Variants in FSTL4 observed in about 807,000 individuals in gnomAD.
FSTL4 encodes follistatin like 4.
FSTL4 carries 28 observed loss-of-function variants against 78.2 expected under a neutral mutation model. The observed-to-expected ratio is 0.36, with a 90% confidence interval of 0.27 to 0.49. The LOEUF (loss-of-function observed/expected upper bound fraction) is 0.49. Among genes scored for constraint, FSTL4 ranks in the 20% least tolerant of loss-of-function variants. The probability of loss-of-function intolerance (pLI) is 0.98; values close to 1 mark genes in which losing one functional copy is unlikely to be tolerated. For synonymous variants in FSTL4, 422 were observed against 440.5 expected, an observed-to-expected ratio of 0.96 and a Z score of 0.53; for missense variants, 922 against 1,084.9, an observed-to-expected ratio of 0.85 and a Z score of 2.11.
rs540642489 is a variant in FSTL4, at chr5:133,356,499, T to G, written c.410-39847A>C. Reference sequence around the variant, plus strand: ...AGACCCAAGGTCCAGCCACCTCCCCTGGGGAGAGGCCAGGCTGAGAAGGAC... The same window carrying G: ...AGACCCAAGGTCCAGCCACCTCCCCGGGGGAGAGGCCAGGCTGAGAAGGAC... On this transcript the variant is annotated intron_variant, in intron 4 of 15. Coordinates refer to ENST00000265342, the MANE Select transcript of FSTL4 (RefSeq NM_015082.2). 1.3e-3 allele frequency among the ~76,000 whole-genome samples: 205 copies of G among 152,266 alleles called. 1 individual carries two copies. Among genetic ancestry groups the G allele is most frequent in the Middle Eastern group, 0.01 (3 of 294 alleles).
the FSTL4 span, among the ~76,000 whole-genome samples, chr5:133,688,972 T>C: frequency 6.6e-6 from 1 of 152,182 alleles, no homozygotes; most frequent in Non-Finnish European, 1.5e-5. Flanking sequence ...TGGCAGCCGC[T>C]CACTCAGGGT....
chr5:133,231,565 TAG>T (rs1472095232), intron 8 of FSTL4, among the ~76,000 whole-genome samples: 2 of 152,188 alleles, frequency 1.3e-5, no homozygotes, highest in African/African-American at 2.4e-5. Context: ...TTCTTTGAGA[TAG>T]AGTCTCCCTC....
At chr5:133,297,177 G>T (rs535060537) in intron 6 of FSTL4, among the ~76,000 whole-genome samples, 1 of 152,206 alleles carries the variant, frequency 6.6e-6, no homozygotes, top group Non-Finnish European at 1.5e-5. Flanking sequence ...GGTATCCTAC[G>T]TGCAGGATCT....
chr5:133,709,142 G>A, the FSTL4 span, among the ~76,000 whole-genome samples: 1 of 152,306 alleles, frequency 6.6e-6, no homozygotes, highest in South Asian at 2.1e-4. Flanking sequence ...CATACAGGCA[G>A]GAAGGCCATC....
At chr5:133,425,876 G>A (rs1300605159) in intron 3 of FSTL4, among the ~76,000 whole-genome samples, 1 of 152,216 alleles carries the variant, frequency 6.6e-6, no homozygotes, top group Non-Finnish European at 1.5e-5. Flanking sequence ...AAGAAATCCA[G>A]AAGCTGGCTG....
At chr5:133,561,904 C>T (rs549734515) in intron 3 of FSTL4, among the ~76,000 whole-genome samples, 3 of 152,300 alleles carry the variant, frequency 2.0e-5, no homozygotes, top group South Asian at 4.1e-4. Context: ...CTTCAGGCAA[C>T]TAAGCACAAT....
chr5:133,421,519 C>T (rs571365188), intron 3 of FSTL4, among the ~76,000 whole-genome samples: 165 of 152,320 alleles, frequency 1.1e-3, no homozygotes, highest in African/African-American at 3.8e-3. Context: ...TTTCCCCATT[C>T]GCTGAGCTCT....
chr5:133,214,000 A>C (rs1367971936), intron 13 of FSTL4, among the ~76,000 whole-genome samples: 1 of 152,208 alleles, frequency 6.6e-6, no homozygotes, highest in Non-Finnish European at 1.5e-5. Flanking sequence ...GCATTACCAG[A>C]GATAAAGAGG....
intron 6 of FSTL4, among the ~76,000 whole-genome samples, chr5:133,297,592 CTCAG>C (rs1412966294): frequency 6.6e-6 from 1 of 152,204 alleles, no homozygotes; most frequent in Non-Finnish European, 1.5e-5. Context: ...CTGCTTAACA[CTCAG>C]TCAATGTTAT....
At chr5:133,557,522 TCA>T (rs1759814885) in intron 3 of FSTL4, among the ~76,000 whole-genome samples, 1 of 152,182 alleles carries the variant, frequency 6.6e-6, no homozygotes, top group Non-Finnish European at 1.5e-5. Flanking sequence ...GCTGGTGACT[TCA>T]GGAAACCCAA....
intron 3 of FSTL4, among the ~76,000 whole-genome samples, chr5:133,506,135 TG>T (rs1029482953): frequency 6.6e-6 from 1 of 152,216 alleles, no homozygotes; most frequent in African/African-American, 2.4e-5. Context: ...CAGAAAATGC[TG>T]GTAATTGTTT....
chr5:133,223,696 G>T (rs936953412), intron 11 of FSTL4, among the ~76,000 whole-genome samples: 1 of 152,174 alleles, frequency 6.6e-6, no homozygotes, highest in Non-Finnish European at 1.5e-5. Context: ...CTAAAGATTT[G>T]CTTGATAAAT....
intron 3 of FSTL4, among the ~76,000 whole-genome samples, chr5:133,405,836 C>G (rs1301393033): frequency 1.3e-5 from 2 of 152,254 alleles, no homozygotes; most frequent in East Asian, 3.8e-4. Flanking sequence ...CGTGCCATGT[C>G]TACCCTAAGA....
chr5:133,200,003 A>G (rs1750270296), intron 15 of FSTL4, among the ~76,000 whole-genome samples: 1 of 152,234 alleles, frequency 6.6e-6, no homozygotes, highest in Admixed American at 6.5e-5. Context: ...GGAGTTACAA[A>G]TGTTCCTGGA....
chr5:133,502,006 AG>A (rs1318748602), intron 3 of FSTL4, among the ~76,000 whole-genome samples: 1 of 152,210 alleles, frequency 6.6e-6, no homozygotes, highest in African/African-American at 2.4e-5. Context: ...CCATAAGGCA[AG>A]GGACACCTGG....
chr5:133,779,770 C>T, the FSTL4 span, among the ~76,000 whole-genome samples: 2 of 152,220 alleles, frequency 1.3e-5, no homozygotes, highest in East Asian at 1.9e-4. Flanking sequence ...CTCCCCAGCT[C>T]TCTGCTGGTC....
chr5:133,671,139 G>A, the FSTL4 span, among the ~76,000 whole-genome samples: 3 of 152,102 alleles, frequency 2.0e-5, no homozygotes, highest in Non-Finnish European at 4.4e-5. Context: ...AAAGACAGCC[G>A]AGGTGCCCCA....
At chr5:133,262,897 G>C (rs1236125802) in intron 6 of FSTL4, among the ~76,000 whole-genome samples, 1 of 152,116 alleles carries the variant, frequency 6.6e-6, no homozygotes, top group East Asian at 1.9e-4. Context: ...AGGAGGGTGG[G>C]GCTGAGGGTG....
At chr5:133,454,441 C>T (rs923908023) in intron 3 of FSTL4, among the ~76,000 whole-genome samples, 11 of 152,314 alleles carry the variant, frequency 7.2e-5, no homozygotes, top group East Asian at 5.8e-4. Context: ...TTTGCACCAG[C>T]GATACCCCTT....
Sources: gnomAD v4.1 joint callset for allele counts (sites outside exome capture counted in the v4.1 genomes callset) on GRCh38, gnomAD v4.1.1 for gene constraint, MANE v1.5 for transcripts, NCBI Gene and HGNC (gene_info 2026-07-23, HGNC 2026-07-21) for gene names.